Variants in GAL3ST2 observed in about 807,000 individuals in gnomAD.
The protein encoded by GAL3ST2 is galactose-3-O-sulfotransferase 2, also known as beta-galactose-3-O-sulfotransferase 2.
A neutral mutation model predicts 12.9 loss-of-function variants in GAL3ST2; 16 were observed. The ratio of observed to expected loss-of-function variants is 1.24; its 90% CI spans 0.84 to 1.88. The LOEUF (loss-of-function observed/expected upper bound fraction) is 1.88. GAL3ST2 is among the 40% of genes most tolerant of loss of function. The pLI, the probability that GAL3ST2 is intolerant of heterozygous loss-of-function variation, is 0.00. For synonymous variants in GAL3ST2, 302 were observed against 273.9 expected, an observed-to-expected ratio of 1.10 and a Z score of -1.01; for missense variants, 639 against 571.8, an observed-to-expected ratio of 1.12 and a Z score of -1.20.
chr2:241,797,151 G>A (rs566002185), intron 1 of GAL3ST2, among the ~76,000 whole-genome samples: 10 of 152,324 alleles, frequency 6.6e-5, no homozygotes, highest in Admixed American at 2.6e-4. Flanking sequence ...GAGCTGCCGC[G>A]CCTGGCCTGA....
chr2:241,801,792 G>A lies in GAL3ST2; in HGVS notation c.131G>A (p.Gly44Asp). The A allele has an allele frequency of 6.2e-7, 1 of 1,612,424 alleles. No homozygotes were observed. Among genetic ancestry groups the A allele is most frequent in the Non-Finnish European group, 8.5e-7 (1 of 1,179,816 alleles). ...GCCTTCCCTCCCAGCCTGTTTGGGG[G>A]CCAGGCTGAGGGGCCGCCGGTCACC... is the stretch of plus-strand genomic sequence containing the variant. ...DLELDTPLFG[G>D]QAEGPPVTNI... Residue 44 changes from glycine to aspartate, a missense_variant, in exon 3 of 4, where the codon GGC becomes GAC. By Grantham distance (94) the Gly-to-Asp change is moderately conservative. Coordinates refer to ENST00000192314, the MANE Select transcript of GAL3ST2 (RefSeq NM_022134.3). The surrounding 1 kb of genome is among the most constrained non-coding windows in gnomAD (Gnocchi z 4.4).
chr2:241,800,827 CAT>C lies in GAL3ST2; in HGVS notation c.120-952_120-951del, dbSNP rs1699834084. ...AAGAAAACTCCCGTGGCAGGTAGAACATAAATAAGTGCAGCGTGTGTGACTTC... is the reference window on the plus strand; with the variant it reads ...AAGAAAACTCCCGTGGCAGGTAGAACAAATAAGTGCAGCGTGTGTGACTTC... On this transcript the variant is annotated intron_variant, in intron 2 of 3. Transcript: ENST00000192314. This position sits in a 1 kb window ranked among gnomAD's most constrained non-coding sequence, Gnocchi z 5.2. The C allele has an allele frequency of 6.6e-6, 1 of 152,216 alleles. No homozygotes were observed. The highest frequency in any genetic ancestry group is 1.5e-5 in the Non-Finnish European group (1 of 68,036). 9.4% of individuals were successfully genotyped at this position (152,216 alleles called of 1,614,324 possible).
At chr2:241,790,921 T>C (rs990028546) in intron 1 of GAL3ST2, among the ~76,000 whole-genome samples, 1 of 152,222 alleles carries the variant, frequency 6.6e-6, no homozygotes. Flanking sequence ...AACCTGAGCA[T>C]TCCTTACTAT....
chr2:241,778,195 G>T (rs545769133), intron 1 of GAL3ST2, among the ~76,000 whole-genome samples: 2 of 152,342 alleles, frequency 1.3e-5, no homozygotes, highest in African/African-American at 2.4e-5. Flanking sequence ...TTTTCCTGGG[G>T]TTGGGCAAGT....
In GAL3ST2 at chr2:241,791,653, G is replaced by C. The variant is rs574474980; in HGVS notation, c.30-7412G>C. On this transcript the variant is annotated intron_variant, in intron 1 of 3. Coordinates refer to ENST00000192314, the MANE Select transcript of GAL3ST2 (RefSeq NM_022134.3). Reference sequence around the variant, plus strand: ...GCTCGGCTTTAAAAAAGTCTTATCTGAGATTCCTCCTATGGAGCAATGTTC... The same window carrying C: ...GCTCGGCTTTAAAAAAGTCTTATCTCAGATTCCTCCTATGGAGCAATGTTC... Among the ~76,000 whole-genome samples, 144 of 152,266 alleles carry C rather than the reference G, an allele frequency of 9.5e-4. 1 individual carries two copies. Among genetic ancestry groups the C allele is most frequent in the African/African-American group, 3.3e-3 (137 of 41,560 alleles).
chr2:241,790,045 C>T (rs1438738810), intron 1 of GAL3ST2, among the ~76,000 whole-genome samples: 1 of 151,942 alleles, frequency 6.6e-6, no homozygotes, highest in Non-Finnish European at 1.5e-5. Context: ...TATTGTATGC[C>T]ACAGAGGAAA....
In GAL3ST2 at chr2:241,777,027, A is replaced by G. The variant is rs372468516; in HGVS notation, c.29+43A>G. On this transcript the variant is annotated intron_variant, in intron 1 of 3. Coordinates refer to ENST00000192314, the MANE Select transcript of GAL3ST2 (RefSeq NM_022134.3). ...ACCCCCCAGGTGGACAAAGCGCTTC[A>G]TCTGTGGCTATTCTGAGAGACGGAC... 2.8e-6 allele frequency: 4 copies of G among 1,436,330 alleles called. No homozygotes were observed. In the African/African-American group the frequency reaches 4.4e-5, roughly 16 times the overall value. The allele number at this position is 1,436,330 out of a possible 1,614,324, so 89.0% of individuals were successfully genotyped here.
chr2:241,791,576 C>T (rs1405733306), intron 1 of GAL3ST2, among the ~76,000 whole-genome samples: 1 of 152,296 alleles, frequency 6.6e-6, no homozygotes, highest in East Asian at 1.9e-4. Flanking sequence ...GAACCTCAAG[C>T]GATGAGGATG....
chr2:241,779,450 G>T (rs1280679789), intron 1 of GAL3ST2, among the ~76,000 whole-genome samples: 1 of 150,620 alleles, frequency 6.6e-6, no homozygotes, highest in Non-Finnish European at 1.5e-5. Flanking sequence ...AGCCAGGATG[G>T]TCTCCATCTC....
chr2:241,801,438 A>G lies in GAL3ST2; in HGVS notation c.120-343A>G, dbSNP rs1475704956. 2 of 377,952 alleles carry G rather than the reference A, an allele frequency of 5.3e-6. No homozygotes were observed. Among genetic ancestry groups the G allele is most frequent in the Non-Finnish European group, 9.7e-6 (2 of 206,820 alleles). 23.4% of individuals were successfully genotyped at this position (377,952 alleles called of 1,614,324 possible). On this transcript the variant is annotated intron_variant, in intron 2 of 3. Coordinates refer to ENST00000192314, the MANE Select transcript of GAL3ST2 (RefSeq NM_022134.3). The surrounding 1 kb of genome is among the most constrained non-coding windows in gnomAD (Gnocchi z 4.4). ...TGACGAGGCGTCTACCTCCCATCCC[A>G]TCACTGCTGGGAACTCAGTTTTAAG...
intron 1 of GAL3ST2, among the ~76,000 whole-genome samples, chr2:241,789,855 C>T (rs1471517165): frequency 6.6e-6 from 1 of 151,588 alleles, no homozygotes; most frequent in African/African-American, 2.4e-5. Flanking sequence ...CAGTGAGACT[C>T]CATCTCAAAA....
intron 1 of GAL3ST2, among the ~76,000 whole-genome samples, chr2:241,784,425 C>G (rs1338359780): frequency 6.6e-6 from 1 of 152,088 alleles, no homozygotes; most frequent in Non-Finnish European, 1.5e-5. Context: ...AATTTTGACA[C>G]CTTATATTAT....
chr2:241,803,849 C>A lies in GAL3ST2; in HGVS notation c.880C>A (p.Leu294Met). The change falls in exon 4 of 4, where the codon CTG (leucine) becomes ATG (methionine). Residue 294 changes from leucine (L) to methionine (M), a missense_variant. Physicochemically the swap from Leu to Met is conservative, Grantham distance 15. Coordinates refer to ENST00000192314, the MANE Select transcript of GAL3ST2 (RefSeq NM_022134.3). ...EHFNRTLWAQ[L>M]RAELGPRRLR... ...TTTCAACCGCACCCTCTGGGCGCAG[C>A]TGCGCGCCGAGCTGGGGCCGCGGCG... 2 of 1,461,266 alleles carry A rather than the reference C, an allele frequency of 1.4e-6. No homozygotes were observed. The highest frequency in any genetic ancestry group is 2.9e-5 in the Admixed American group (1 of 34,458). 90.5% of individuals were successfully genotyped at this position (1,461,266 alleles called of 1,614,324 possible). A position where few individuals can be genotyped will look rare whatever the true frequency, so the allele number is the denominator to read the frequency against.
At chr2:241,787,540 C>CTCCTT (rs762011937) in intron 1 of GAL3ST2, among the ~76,000 whole-genome samples, 30,946 of 135,950 alleles carry the variant, frequency 0.23, 4,629 homozygotes, top group African/African-American at 0.42. Context: ...ACTTCTCCTC[C>CTCCTT]TTTTTTTTTT....
At chr2:241,778,142 T>A (rs921213660) in intron 1 of GAL3ST2, among the ~76,000 whole-genome samples, 3 of 152,200 alleles carry the variant, frequency 2.0e-5, no homozygotes, top group Admixed American at 6.5e-5. Flanking sequence ...CCGAGTCACT[T>A]CCCCACAGCC....
chr2:241,793,531 TTATATG>T lies in GAL3ST2; in HGVS notation c.30-5530_30-5525del, dbSNP rs1478615036. Among the ~76,000 whole-genome samples the T allele has an allele frequency of 2.3e-4, 31 of 137,226 alleles. No individual in the cohort carries two copies. The highest frequency in any genetic ancestry group is 7.5e-3 in the Middle Eastern group (2 of 268). The allele number at this position is 137,226 out of a possible 152,430, so 90.0% of individuals were successfully genotyped here. ...GTGTATATGTATGTGTGTATTGTGT[TTATATG>T]TATGTGTGTATATGTATGTATGTGT... On this transcript the variant is annotated intron_variant, in intron 1 of 3. Transcript: ENST00000192314. The surrounding 1 kb of genome is among the most constrained non-coding windows in gnomAD (Gnocchi z 4.7).
Position 241,804,218 on chromosome 2 carries a change from C to CCGTCA in GAL3ST2, c.*54_*58dup. On this transcript the variant is annotated 3_prime_UTR_variant, in exon 4 of 4. Transcript: ENST00000192314. Reference sequence around the variant, plus strand: ...CTGCGGACACCAGCTCCTCTCTCCGCCGTCACCGGGGAGGCCGGGGATCCT... The same window carrying CCGTCA: ...CTGCGGACACCAGCTCCTCTCTCCGCCGTCACGTCACCGGGGAGGCCGGGGATCCT... 7.5e-7 allele frequency: 1 copy of CCGTCA among 1,338,304 alleles called. No individual in the cohort carries two copies. 82.9% of individuals were successfully genotyped at this position (1,338,304 alleles called of 1,614,324 possible).
rs1699870861 is a variant in GAL3ST2 at position 241,802,804 on chromosome 2, G to A, written c.376-541G>A. ...TTCTGTGGGTGGGGTATATCCTCCA[G>A]GACCTCTGAGGGGGCACAAGCGAGG... On this transcript the variant is annotated intron_variant, in intron 3 of 3. Transcript: ENST00000192314. This position sits in a 1 kb window ranked among gnomAD's most constrained non-coding sequence, Gnocchi z 4.8. 6.6e-6 allele frequency among the ~76,000 whole-genome samples: 1 copy of A among 152,116 alleles called. No individual in the cohort carries two copies. The highest frequency in any genetic ancestry group is 2.4e-5 in the African/African-American group (1 of 41,424).
rs1699743272 is a variant in GAL3ST2, at chr2:241,794,277, T to C, written c.30-4788T>C. Among the ~76,000 whole-genome samples, 3 of 152,110 alleles carry C rather than the reference T, an allele frequency of 2.0e-5. No individual in the cohort carries two copies. In the South Asian group the frequency reaches 6.2e-4, roughly 32 times the overall value. On this transcript the variant is annotated intron_variant, in intron 1 of 3. Coordinates refer to ENST00000192314, the MANE Select transcript of GAL3ST2 (RefSeq NM_022134.3). ...CTTTTATTACCCCTCATTTTAGATA[T>C]TTTGTGGGTTCTTACTGAGAAGTTG...
Sources: gnomAD v4.1 joint callset for allele counts (sites outside exome capture counted in the v4.1 genomes callset) on GRCh38, gnomAD v4.1.1 for gene constraint, Gnocchi (gnomAD v3.1) non-coding constraint, MANE v1.5 for transcripts, NCBI Gene and HGNC (gene_info 2026-07-23, HGNC 2026-07-21) for gene names.